The following PAX7 variants were observed in gnomAD, a reference collection of about 807,000 sequenced individuals.
PAX7 encodes the protein paired box 7.
A neutral mutation model predicts 50.7 loss-of-function variants in PAX7; 18 were observed. The ratio of observed to expected loss-of-function variants is 0.36; its 90% confidence interval spans 0.25 to 0.53. PAX7 has a LOEUF of 0.53. PAX7 is among the 20% of genes least tolerant of loss of function. The pLI is 0.93. For missense variants in PAX7, 644 were observed against 702.9 expected (o/e 0.92, Z 0.95); for synonymous variants, 310 against 290.4 (o/e 1.07, Z -0.69).
At position 18,735,980 on chromosome 1, in the gene PAX7, G is replaced by A. The variant is rs768917794; in HGVS notation, c.1402+102G>A. ...GAGCTACAAGGTGGTGTCAGGGTGG[G>A]GAATGTCCATTTCACAGATGGAAAA... On this transcript the variant is annotated intron_variant, in intron 8 of 8. Coordinates refer to ENST00000420770, the MANE Select transcript of PAX7 (RefSeq NM_001135254.2). The surrounding 1 kb of genome is among the most constrained non-coding windows in gnomAD (Gnocchi z 4.0). 1.2e-6 allele frequency: 2 copies of A among 1,613,320 alleles called. No individual in the cohort carries two copies. Among genetic ancestry groups the A allele is most frequent in the Admixed American group, 3.3e-5 (2 of 59,948 alleles).
intron 6 of PAX7, 42 bp from the exon 7 acceptor site, chr1:18,703,052 A>G (rs1416464): frequency 0.3 from 474,888 of 1,570,530 alleles, 80,130 homozygotes; most frequent in African/African-American, 0.59. Flanking sequence ...AGCGTCCAGG[A>G]TGAGGCCACT....
intron 4 of PAX7, among the ~76,000 whole-genome samples, chr1:18,687,595 C>G (rs1289745937): frequency 6.6e-6 from 1 of 152,170 alleles, no homozygotes; most frequent in Admixed American, 6.5e-5. Flanking sequence ...GGGGTCTCTT[C>G]CCCTGAGCTT....
intron 4 of PAX7, among the ~76,000 whole-genome samples, chr1:18,675,722 C>G (rs1385165189): frequency 6.6e-6 from 1 of 152,214 alleles, no homozygotes; most frequent in South Asian, 2.1e-4. Flanking sequence ...GCTCTCATAA[C>G]TAGCTCAGAA....
chr1:18,696,894 TA>T, intron 5 of PAX7, among the ~76,000 whole-genome samples: 1 of 152,280 alleles, frequency 6.6e-6, no homozygotes, highest in South Asian at 2.1e-4. Flanking sequence ...TAAAAATAAC[TA>T]AAAGAATATA....
At position 18,744,953 on chromosome 1, in the gene PAX7, G is replaced by C. The variant is rs748245200; in HGVS notation, c.*24G>C. On this transcript the variant is annotated 3_prime_UTR_variant, in exon 9 of 9. Coordinates refer to ENST00000420770, the MANE Select transcript of PAX7 (RefSeq NM_001135254.2). ...AGGGCCCCTGGGGCGACTTGCCCCA[G>C]CCCAATTCCCAGCCCAACCCTAACT... The C allele has an allele frequency of 4.2e-5, 58 of 1,371,384 alleles. No individual in the cohort carries two copies. In the African/African-American group the frequency reaches 7.3e-4, roughly 17 times the overall value. 85.0% of individuals were successfully genotyped at this position (1,371,384 alleles called of 1,614,324 possible). A position where few individuals can be genotyped will look rare whatever the true frequency, so the allele number is the denominator to read the frequency against.
intron 4 of PAX7, among the ~76,000 whole-genome samples, chr1:18,672,546 G>C (rs1253585542): frequency 1.3e-5 from 2 of 151,176 alleles, no homozygotes; most frequent in Non-Finnish European, 2.9e-5. Context: ...CCCTGTCTCA[G>C]ATGCAGTGTC....
At chr1:18,672,596 G>GTTT (rs1034079316) in intron 4 of PAX7, among the ~76,000 whole-genome samples, 2,532 of 125,518 alleles carry the variant, frequency 0.02, 95 homozygotes, top group East Asian at 0.11. Flanking sequence ...AGAGCACTGT[G>GTTT]TTTTTTTTTT....
At chr1:18,667,070 C>T (rs1014147637) in intron 4 of PAX7, among the ~76,000 whole-genome samples, 26 of 152,054 alleles carry the variant, frequency 1.7e-4, no homozygotes, top group African/African-American at 5.8e-4. Flanking sequence ...GACAGTTCTT[C>T]GTTTGGTCTG....
At chr1:18,686,564 A>G (rs941850826) in intron 4 of PAX7, among the ~76,000 whole-genome samples, 3 of 152,136 alleles carry the variant, frequency 2.0e-5, no homozygotes, top group Non-Finnish European at 2.9e-5. Context: ...TTTGGTACAC[A>G]GAAGACTCAG....
chr1:18,644,240 C>A (rs532285865), intron 4 of PAX7, among the ~76,000 whole-genome samples: 53 of 152,332 alleles, frequency 3.5e-4, no homozygotes, highest in African/African-American at 1.3e-3. Flanking sequence ...CCTTGCTCTC[C>A]ATCCGAACCC....
chr1:18,739,672 C>T (rs1931016987), intron 8 of PAX7, among the ~76,000 whole-genome samples: 1 of 152,200 alleles, frequency 6.6e-6, no homozygotes, highest in Non-Finnish European at 1.5e-5. Flanking sequence ...ATGGAACAAG[C>T]CTACACATGG....
Position 18,643,609 on chromosome 1 carries a change from G to A in PAX7, c.586+7238G>A, listed in dbSNP as rs546683914. 9.2e-5 allele frequency among the ~76,000 whole-genome samples: 14 copies of A among 152,362 alleles called. No homozygotes were observed. The East Asian group carries it at 2.7e-3, about 29-fold the overall frequency. On this transcript the variant is annotated intron_variant, in intron 4 of 8. Transcript: ENST00000420770. Reference sequence around the variant, plus strand: ...AGCGGGACCTAGAGACAGCCCGCGGGAGAGCACGGGCCGAGAGGGCGAGTG... The same window carrying A: ...AGCGGGACCTAGAGACAGCCCGCGGAAGAGCACGGGCCGAGAGGGCGAGTG...
At chr1:18,648,128 G>T (rs2088374697) in intron 4 of PAX7, among the ~76,000 whole-genome samples, 1 of 151,982 alleles carries the variant, frequency 6.6e-6, no homozygotes, top group East Asian at 1.9e-4. Flanking sequence ...TGAGGAGATG[G>T]TGAAAACATC....
chr1:18,666,982 G>A (rs546303732), intron 4 of PAX7, among the ~76,000 whole-genome samples: 76 of 152,248 alleles, frequency 5.0e-4, no homozygotes, highest in Non-Finnish European at 8.5e-4. Flanking sequence ...GTCCTCTGGG[G>A]TCATTGAGAA....
Position 18,726,249 on chromosome 1 carries a change from A to T in PAX7, c.1156-9383A>T, listed in dbSNP as rs1215586435. ...CTCCACCCCCACCTCACCTCTAGACAGTCCTTAACTAAAAGCCTCCAAGGA... is the reference window on the plus strand; with the variant it reads ...CTCCACCCCCACCTCACCTCTAGACTGTCCTTAACTAAAAGCCTCCAAGGA... On this transcript the variant is annotated intron_variant, in intron 7 of 8. Transcript: ENST00000420770. The surrounding 1 kb of genome is among the most constrained non-coding windows in gnomAD (Gnocchi z 4.8). 1.3e-5 allele frequency among the ~76,000 whole-genome samples: 2 copies of T among 152,108 alleles called. No homozygotes were observed. The highest frequency in any genetic ancestry group is 4.8e-5 in the African/African-American group (2 of 41,404).
rs2088779700 is a variant in PAX7, at chr1:18,673,340, C to A, written c.587-18414C>A. 2.0e-5 allele frequency among the ~76,000 whole-genome samples: 3 copies of A among 152,318 alleles called. No homozygotes were observed. The South Asian group carries it at 6.2e-4, about 32-fold the overall frequency. ...TTATCCCCATGGAGAAGACCACATG[C>A]TCTTCAGAACTAAGAAGCCCAATCC... On this transcript the variant is annotated intron_variant, in intron 4 of 8. Coordinates refer to ENST00000420770, the MANE Select transcript of PAX7 (RefSeq NM_001135254.2).
In PAX7 at chr1:18,692,071, G is replaced by T. The variant is rs1226722313; in HGVS notation, c.786+118G>T. 6 of 838,962 alleles carry T rather than the reference G, an allele frequency of 7.2e-6. No individual in the cohort carries two copies. In the Admixed American group the frequency reaches 1.3e-4, roughly 18 times the overall value. 52.0% of individuals were successfully genotyped at this position (838,962 alleles called of 1,614,324 possible). A position where few individuals can be genotyped will look rare whatever the true frequency, so the allele number is the denominator to read the frequency against. ...TCGGGGGGTTTACAACAGGTTCAGG[G>T]GGTTGTGTAGGCAAGTAATGCCACC... is the stretch of plus-strand genomic sequence containing the variant. On this transcript the variant is annotated intron_variant, in intron 5 of 8. Transcript: ENST00000420770.
At chr1:18,658,031 G>T (rs2088547919) in intron 4 of PAX7, among the ~76,000 whole-genome samples, 1 of 152,190 alleles carries the variant, frequency 6.6e-6, no homozygotes, top group Non-Finnish European at 1.5e-5. Flanking sequence ...AGAGTGACAA[G>T]ATCAAGCCAG....
At chr1:18,662,534 A>G (rs999956959) in intron 4 of PAX7, among the ~76,000 whole-genome samples, 1 of 152,046 alleles carries the variant, frequency 6.6e-6, no homozygotes. Context: ...ATTCAAAAAC[A>G]TTGTATTAGT....
Sources: gnomAD v4.1 joint callset for allele counts (sites outside exome capture counted in the v4.1 genomes callset) on GRCh38, gnomAD v4.1.1 for gene constraint, Gnocchi (gnomAD v3.1) non-coding constraint, MANE v1.5 for transcripts, NCBI Gene and HGNC (gene_info 2026-07-23, HGNC 2026-07-21) for gene names.